The following ACBD6 variants were observed in gnomAD, a reference collection of about 807,000 sequenced individuals.
The protein encoded by ACBD6 is acyl-CoA binding domain containing 6.
A neutral mutation model predicts 37.2 loss-of-function variants in ACBD6; 28 were observed. That is an observed-to-expected ratio of 0.75 (90% CI 0.56 to 1.03). The LOEUF (loss-of-function observed/expected upper bound fraction) is 1.03. Ranked by LOEUF, ACBD6 falls within the 50% of genes least tolerant of loss-of-function variation. The pLI is 0.00. For synonymous variants in ACBD6, 113 were observed against 126.8 expected (o/e 0.89, Z 0.73); for missense variants, 340 against 337.4 (o/e 1.01, Z -0.06).
At chr1:180,324,977 T>C (rs577864014) in intron 6 of ACBD6, among the ~76,000 whole-genome samples, 1 of 152,326 alleles carries the variant, frequency 6.6e-6, no homozygotes, top group Admixed American at 6.5e-5. Flanking sequence ...GCCAGATGTG[T>C]TGGAGCTCCA....
chr1:180,368,878 G>A (rs1374954886), intron 6 of ACBD6, among the ~76,000 whole-genome samples: 11 of 152,072 alleles, frequency 7.2e-5, no homozygotes, highest in African/African-American at 2.7e-4. Flanking sequence ...CTGTATCACA[G>A]GTAACTGAAA....
At chr1:180,278,581 A>G (rs1236847630) in intron 9 of ACBD6, 1 of 151,918 alleles carries the variant, frequency 6.6e-6, no homozygotes, top group East Asian at 1.9e-4. Flanking sequence ...AGGTGAACAG[A>G]GGAAGGACAC....
At chr1:180,463,932 A>G (rs1274941901) in intron 3 of ACBD6, among the ~76,000 whole-genome samples, 1 of 152,226 alleles carries the variant, frequency 6.6e-6, no homozygotes, top group East Asian at 1.9e-4. Flanking sequence ...GATTCATCAC[A>G]TAAATAGAAC....
rs562539116 is a variant in ACBD6 at position 180,310,504 on chromosome 1, T to C, written c.694+4188A>G. Among the ~76,000 whole-genome samples, 32 of 152,356 alleles carry C rather than the reference T, an allele frequency of 2.1e-4. No individual in the cohort carries two copies. In the East Asian group the frequency reaches 5.6e-3, roughly 27 times the overall value. On this transcript the variant is annotated intron_variant, in intron 7 of 7. Coordinates refer to ENST00000367595, the MANE Select transcript of ACBD6 (RefSeq NM_032360.4). ...TTTGATACCATAAAATATGTATTTG[T>C]ATGTGCATATATGTATATATGTGCA... is the stretch of plus-strand genomic sequence containing the variant.
At position 180,382,950 on chromosome 1, in the gene ACBD6, C is replaced by T. The variant is rs142801858; in HGVS notation, c.663+14566G>A. Reference sequence around the variant, plus strand: ...AATAAAATGAAGGACAAAAACCATACGACCATCTCAACAGACACAGAAAAA... The same window carrying T: ...AATAAAATGAAGGACAAAAACCATATGACCATCTCAACAGACACAGAAAAA... On this transcript the variant is annotated intron_variant, in intron 6 of 7. Transcript: ENST00000367595. Among the ~76,000 whole-genome samples the T allele has an allele frequency of 7.4e-4, 112 of 152,242 alleles. No homozygotes were observed. The East Asian group carries it at 0.017, about 24-fold the overall frequency.
intron 1 of ACBD6, among the ~76,000 whole-genome samples, chr1:180,500,648 C>G (rs1651929002): frequency 6.7e-6 from 1 of 150,100 alleles, no homozygotes; most frequent in South Asian, 2.1e-4. Context: ...GAGCTAAGAT[C>G]CAGCCACTGC....
Position 180,334,374 on chromosome 1 carries a change from C to T in ACBD6, c.664-19652G>A, listed in dbSNP as rs1458590821. Among the ~76,000 whole-genome samples, 9 of 152,190 alleles carry T rather than the reference C, an allele frequency of 5.9e-5. No homozygotes were observed. In the East Asian group the frequency reaches 1.7e-3, roughly 29 times the overall value. Reference sequence around the variant, plus strand: ...CTGTTCACCAATATCCATTGTTCTGCAGCCGCCGCTGCTGATACCCAGGCA... The same window carrying T: ...CTGTTCACCAATATCCATTGTTCTGTAGCCGCCGCTGCTGATACCCAGGCA... On this transcript the variant is annotated intron_variant, in intron 6 of 7. Coordinates refer to ENST00000367595, the MANE Select transcript of ACBD6 (RefSeq NM_032360.4).
chr1:180,385,548 C>T (rs1185025434), intron 6 of ACBD6, among the ~76,000 whole-genome samples: 3 of 151,620 alleles, frequency 2.0e-5, no homozygotes, highest in Non-Finnish European at 2.9e-5. Context: ...GAAATAGGGC[C>T]TTTAAAGAGC....
At chr1:180,414,948 A>G (rs1181057328) in intron 4 of ACBD6, among the ~76,000 whole-genome samples, 2 of 152,140 alleles carry the variant, frequency 1.3e-5, no homozygotes, top group East Asian at 3.8e-4. Context: ...ATATTTAACC[A>G]CCATTAAAAA....
At chr1:180,367,673 T>C (rs575571488) in intron 6 of ACBD6, among the ~76,000 whole-genome samples, 2 of 152,262 alleles carry the variant, frequency 1.3e-5, no homozygotes, top group African/African-American at 2.4e-5. Context: ...TAGTTTGCTA[T>C]GGGTAATAGC....
chr1:180,429,138 G>A (rs761481040), intron 4 of ACBD6, among the ~76,000 whole-genome samples: 1 of 152,164 alleles, frequency 6.6e-6, no homozygotes, highest in Non-Finnish European at 1.5e-5. Context: ...GTATTTCTAA[G>A]TATACAGTTC....
chr1:180,464,854 C>T (rs1238640963), intron 3 of ACBD6, among the ~76,000 whole-genome samples: 1 of 152,098 alleles, frequency 6.6e-6, no homozygotes, highest in African/African-American at 2.4e-5. Flanking sequence ...ACCAATGGAA[C>T]CGAATAGAGA....
At chr1:180,320,181 T>C (rs984296587) in intron 6 of ACBD6, among the ~76,000 whole-genome samples, 1 of 152,224 alleles carries the variant, frequency 6.6e-6, no homozygotes, top group Non-Finnish European at 1.5e-5. Context: ...TGCCTGTCTT[T>C]TGGATATAAG....
At chr1:180,422,220 T>C (rs1648398962) in intron 4 of ACBD6, among the ~76,000 whole-genome samples, 1 of 152,046 alleles carries the variant, frequency 6.6e-6, no homozygotes, top group South Asian at 2.1e-4. Flanking sequence ...TCTTTTTTTT[T>C]TTTGAGATGG....
intron 7 of ACBD6, among the ~76,000 whole-genome samples, chr1:180,309,550 A>T (rs1650508861): frequency 6.6e-6 from 1 of 152,206 alleles, no homozygotes; most frequent in South Asian, 2.1e-4. Context: ...GAATGAGGGA[A>T]TGAAAGAAGG....
At chr1:180,327,208 G>A (rs894798836) in intron 6 of ACBD6, among the ~76,000 whole-genome samples, 3 of 152,182 alleles carry the variant, frequency 2.0e-5, no homozygotes, top group African/African-American at 7.2e-5. Flanking sequence ...TCGGATGGAC[G>A]ATTACCCTCT....
At chr1:180,341,543 T>C (rs548959326) in intron 6 of ACBD6, among the ~76,000 whole-genome samples, 1 of 152,094 alleles carries the variant, frequency 6.6e-6, no homozygotes, top group Admixed American at 6.6e-5. Flanking sequence ...GATATAAATA[T>C]GCTGCTATCT....
intron 5 of ACBD6, among the ~76,000 whole-genome samples, chr1:180,398,047 C>T (rs1454396592): frequency 1.5e-5 from 2 of 132,118 alleles, no homozygotes; most frequent in Admixed American, 8.2e-5. Context: ...GGCAAAACTC[C>T]ATCTCAAAAA....
intron 3 of ACBD6, among the ~76,000 whole-genome samples, chr1:180,457,735 A>T (rs1649978239): frequency 6.6e-6 from 1 of 152,158 alleles, no homozygotes; most frequent in South Asian, 2.1e-4. Flanking sequence ...ACATATAGGC[A>T]TACACAAACA....
Sources: allele counts gnomAD v4.1 joint callset (sites outside exome capture counted in the v4.1 genomes callset), GRCh38; gene constraint gnomAD v4.1.1; transcripts MANE v1.5; gene names NCBI Gene and HGNC (gene_info 2026-07-23, HGNC 2026-07-21).